Variants in MS4A4A observed in about 807,000 individuals in gnomAD.
MS4A4A encodes membrane spanning 4-domains A4A.
In MS4A4A, 26 loss-of-function variants were observed where a neutral mutation model predicts 28.0. The observed-to-expected ratio is 0.93, with a 90% CI of 0.68 to 1.29. The LOEUF (loss-of-function observed/expected upper bound fraction) is 1.29. MS4A4A is among the 50% of genes most tolerant of loss of function. The pLI is 0.00. For missense variants in MS4A4A, 290 were observed against 293.1 expected (o/e 0.99, Z 0.08); for synonymous variants, 86 against 100.8 (o/e 0.85, Z 0.88).
At chr11:60,296,167 C>A (rs2084903925) in intron 2 of MS4A4A, among the ~76,000 whole-genome samples, 1 of 151,860 alleles carries the variant, frequency 6.6e-6, no homozygotes. Flanking sequence ...TAATTATAGG[C>A]TTATTCAGAG....
chr11:60,302,542 T>A lies in MS4A4A; in HGVS notation c.388-17T>A. On this transcript the variant is annotated splice_polypyrimidine_tract_variant and intron_variant, in intron 4 of 6. Transcript: ENST00000337908. ...GGATGTTGTTGGATTGTTTAATTGA[T>A]TTTCATTCCTTTCTAGGTCCGAGGT... 6.2e-7 allele frequency: 1 copy of A among 1,612,880 alleles called. No individual in the cohort carries two copies. Among genetic ancestry groups the A allele is most frequent in the African/African-American group, 1.3e-5 (1 of 75,020 alleles).
intron 2 of MS4A4A, among the ~76,000 whole-genome samples, chr11:60,293,362 C>T (rs1345408954): frequency 1.3e-5 from 2 of 152,218 alleles, no homozygotes; most frequent in South Asian, 2.1e-4. Flanking sequence ...TTAAAATATA[C>T]TGTATGTTTT....
intron 1 of MS4A4A, among the ~76,000 whole-genome samples, chr11:60,288,662 A>C (rs1430047297): frequency 2.0e-5 from 3 of 152,150 alleles, no homozygotes; most frequent in African/African-American, 7.2e-5. Flanking sequence ...GTAACTCTAG[A>C]CACTGGGATG....
intron 1 of MS4A4A, among the ~76,000 whole-genome samples, chr11:60,287,872 C>T (rs933830313): frequency 5.3e-5 from 8 of 152,170 alleles, no homozygotes; most frequent in African/African-American, 1.9e-4. Context: ...GAGTCCAAAA[C>T]CCAACCAAGA....
chr11:60,301,536 C>T (rs995403448), intron 4 of MS4A4A, among the ~76,000 whole-genome samples: 1 of 152,190 alleles, frequency 6.6e-6, no homozygotes, highest in South Asian at 2.1e-4. Flanking sequence ...AGATGCCTTT[C>T]ATAAAGCCAA....
intron 2 of MS4A4A, among the ~76,000 whole-genome samples, chr11:60,294,393 C>A (rs927963543): frequency 2.6e-5 from 4 of 152,004 alleles, no homozygotes; most frequent in African/African-American, 9.7e-5. Flanking sequence ...ATATCTTCTC[C>A]CAGTCTGTTG....
At chr11:60,305,268 A>G (rs1486193804) in intron 5 of MS4A4A, among the ~76,000 whole-genome samples, 2 of 152,180 alleles carry the variant, frequency 1.3e-5, no homozygotes, top group Non-Finnish European at 2.9e-5. Flanking sequence ...TTGTTACTGT[A>G]ACAAATTACT....
At chr11:60,305,378 C>T (rs2084989704) in intron 5 of MS4A4A, among the ~76,000 whole-genome samples, 1 of 152,222 alleles carries the variant, frequency 6.6e-6, no homozygotes, top group Admixed American at 6.5e-5. Context: ...AGAGTGTTGG[C>T]AAGGCCATAC....
chr11:60,297,258 C>A lies in MS4A4A; in HGVS notation c.263C>A (p.Ala88Glu). The change falls in exon 3 of 7, where the codon GCA (alanine) becomes GAA (glutamate). Residue 88 changes from alanine (A) to glutamate (E), a missense_variant. Physicochemically the swap from Ala to Glu is moderately radical, Grantham distance 107. Transcript: ENST00000337908. ...ATGGGAATAACAATGATGTGTATGGCATCTAATACTTATGGAAGTAACCCT... is the reference window on the plus strand; with the variant it reads ...ATGGGAATAACAATGATGTGTATGGAATCTAATACTTATGGAAGTAACCCT... Reference protein sequence around the residue: ...LSMGITMMCMASNTYGSNPIS... With the variant: ...LSMGITMMCMESNTYGSNPIS... The A allele has an allele frequency of 6.2e-7, 1 of 1,613,524 alleles. No homozygotes were observed. Among genetic ancestry groups the A allele is most frequent in the Non-Finnish European group, 8.5e-7 (1 of 1,179,568 alleles).
chr11:60,293,136 C>T (rs1024592186), intron 2 of MS4A4A, among the ~76,000 whole-genome samples: 11 of 152,200 alleles, frequency 7.2e-5, no homozygotes, highest in African/African-American at 2.4e-4. Flanking sequence ...GGGCTCACTG[C>T]AACCTCCGTC....
At chr11:60,281,161 T>C (rs1169715424) in intron 1 of MS4A4A, among the ~76,000 whole-genome samples, 2 of 152,146 alleles carry the variant, frequency 1.3e-5, no homozygotes, top group Non-Finnish European at 2.9e-5. Context: ...TTGGTGTACA[T>C]GGAGTAGGGC....
chr11:60,287,844 G>A (rs554410719), intron 1 of MS4A4A, among the ~76,000 whole-genome samples: 1 of 152,176 alleles, frequency 6.6e-6, no homozygotes, highest in Non-Finnish European at 1.5e-5. Flanking sequence ...CAAGAAAAAG[G>A]TGTAAGTGGT....
At chr11:60,295,307 A>G (rs1228588436) in intron 2 of MS4A4A, among the ~76,000 whole-genome samples, 3 of 152,116 alleles carry the variant, frequency 2.0e-5, no homozygotes. Flanking sequence ...ATAAGTACAT[A>G]AGAAAGTAAT....
At position 60,283,305 on chromosome 11, in the gene MS4A4A, G is replaced by A. The variant is rs369084523; in HGVS notation, c.41+2589G>A. Among the ~76,000 whole-genome samples, 19 of 152,200 alleles carry A rather than the reference G, an allele frequency of 1.2e-4. No individual in the cohort carries two copies. The South Asian group carries it at 2.3e-3, about 18-fold the overall frequency. On this transcript the variant is annotated intron_variant, in intron 1 of 6. Transcript: ENST00000337908. ...TGATCTCAAACTCCTGGGCTCCAGC[G>A]GTCCTCCCACCTTGGCCTCCTATAC...
intron 4 of MS4A4A, among the ~76,000 whole-genome samples, chr11:60,301,994 G>T (rs192435461): frequency 1.2e-3 from 183 of 152,226 alleles, no homozygotes; most frequent in Non-Finnish European, 2.2e-3. Flanking sequence ...TGGTCAGACT[G>T]GTCTCAAACT....
rs2085025650 is a variant in MS4A4A at position 60,308,398 on chromosome 11, T to C, written c.*220T>C. 1 of 471,550 alleles carries C rather than the reference T, an allele frequency of 2.1e-6. No individual in the cohort carries two copies. The highest frequency in any genetic ancestry group is 2.0e-5 in the African/African-American group (1 of 50,010). The allele number at this position is 471,550 out of a possible 1,614,324, so 29.2% of individuals were successfully genotyped here. On this transcript the variant is annotated 3_prime_UTR_variant, in exon 7 of 7. Transcript: ENST00000337908. ...CCTGGAACTCAATAACTCATTTCAC[T>C]GGCTCTTTATCGAGAGTACTAGAAG...
At chr11:60,280,820 T>G (rs560990821) in intron 1 of MS4A4A, 104 bp downstream of exon 1, 11 of 1,319,134 alleles carry the variant, frequency 8.3e-6, no homozygotes, top group African/African-American at 1.5e-5. Context: ...ATGAGGCCAC[T>G]TCCCATGACC....
At chr11:60,300,162 C>G (rs954877837) in intron 3 of MS4A4A, among the ~76,000 whole-genome samples, 24 of 151,984 alleles carry the variant, frequency 1.6e-4, no homozygotes, top group African/African-American at 5.8e-4. Context: ...ATTAAAAACT[C>G]CAACAATTGA....
intron 3 of MS4A4A, among the ~76,000 whole-genome samples, chr11:60,297,981 T>C (rs1472798754): frequency 6.6e-6 from 1 of 151,800 alleles, no homozygotes; most frequent in Non-Finnish European, 1.5e-5. Flanking sequence ...CCTCAGAAAA[T>C]GAAAATGTTA....
Sources: allele counts gnomAD v4.1 joint callset (sites outside exome capture counted in the v4.1 genomes callset), GRCh38; gene constraint gnomAD v4.1.1; transcripts MANE v1.5; gene names NCBI Gene and HGNC (gene_info 2026-07-23, HGNC 2026-07-21).